Variants in PPARGC1A observed in about 807,000 individuals in gnomAD.
PPARGC1A encodes the protein peroxisome proliferator-activated receptor gamma coactivator 1-alpha.
PPARGC1A carries 25 observed loss-of-function variants against 88.7 expected under a neutral mutation model. The ratio of observed to expected loss-of-function variants is 0.28; its 90% CI spans 0.21 to 0.39. PPARGC1A has a LOEUF of 0.39. PPARGC1A is among the 10% of genes least tolerant of loss of function. The pLI, the probability that PPARGC1A is intolerant of heterozygous loss-of-function variation, is 1.00. For missense variants in PPARGC1A, 880 were observed against 968.7 expected, an observed-to-expected ratio of 0.91 and a Z score of 1.22; for synonymous variants, 363 against 355.6, an observed-to-expected ratio of 1.02 and a Z score of -0.24.
the PPARGC1A span, among the ~76,000 whole-genome samples, chr4:24,069,938 G>A: frequency 6.6e-6 from 1 of 152,200 alleles, no homozygotes; most frequent in Non-Finnish European, 1.5e-5. Flanking sequence ...TGGCTGAGCA[G>A]AAAGAGCAAT....
the PPARGC1A span, among the ~76,000 whole-genome samples, chr4:24,098,078 G>A: frequency 1.3e-5 from 2 of 152,130 alleles, no homozygotes; most frequent in African/African-American, 2.4e-5. Context: ...CATGAAACAA[G>A]TCAAATGATT....
chr4:24,347,429 G>A, the PPARGC1A span, among the ~76,000 whole-genome samples: 1 of 152,092 alleles, frequency 6.6e-6, no homozygotes, highest in Non-Finnish European at 1.5e-5. Flanking sequence ...TTATAAATTT[G>A]GGAGCTCCAG....
the PPARGC1A span, among the ~76,000 whole-genome samples, chr4:24,283,155 G>GCTCA: frequency 6.6e-6 from 1 of 152,178 alleles, no homozygotes; most frequent in African/African-American, 2.4e-5. Context: ...CAAAGACATG[G>GCTCA]TGGTGGTATT....
At chr4:24,146,461 C>T in the PPARGC1A span, among the ~76,000 whole-genome samples, 1 of 152,202 alleles carries the variant, frequency 6.6e-6, no homozygotes, top group African/African-American at 2.4e-5. Flanking sequence ...CCTGCTCTAT[C>T]AATGTGAACC....
At chr4:24,072,812 A>T in the PPARGC1A span, among the ~76,000 whole-genome samples, 1 of 152,186 alleles carries the variant, frequency 6.6e-6, no homozygotes, top group South Asian at 2.1e-4. Flanking sequence ...TAACATTAGA[A>T]TTCTGCATTT....
chr4:24,203,567 GATAGAA>G, the PPARGC1A span, among the ~76,000 whole-genome samples: 113 of 71,396 alleles, frequency 1.6e-3, no homozygotes, highest in Middle Eastern at 0.029. Context: ...ACAGATGAGA[GATAGAA>G]AAAGAAAGAG....
At chr4:24,018,397 T>C in the PPARGC1A span, among the ~76,000 whole-genome samples, 1 of 152,202 alleles carries the variant, frequency 6.6e-6, no homozygotes, top group Non-Finnish European at 1.5e-5. Flanking sequence ...AAATGACAAC[T>C]AGTCTTTCTG....
chr4:24,443,369 G>A, the PPARGC1A span, among the ~76,000 whole-genome samples: 31 of 151,678 alleles, frequency 2.0e-4, no homozygotes, highest in East Asian at 1.9e-3. Flanking sequence ...GAGAGATGAC[G>A]TCACACCTGA....
the PPARGC1A span, among the ~76,000 whole-genome samples, chr4:24,008,864 T>C: frequency 2.6e-5 from 4 of 152,294 alleles, no homozygotes; most frequent in African/African-American, 4.8e-5. Context: ...CTGAAGATGT[T>C]ATTATTCTGT....
intron 11 of PPARGC1A, 131 bp from the exon 12 acceptor site, chr4:23,802,012 T>G (rs1718851762): frequency 7.6e-7 from 1 of 1,312,832 alleles, no homozygotes; most frequent in Non-Finnish European, 1.0e-6. Context: ...AGTGTGATTG[T>G]CCTGTCAAGC....
the PPARGC1A span, among the ~76,000 whole-genome samples, chr4:23,984,078 A>T: frequency 6.6e-6 from 1 of 152,140 alleles, no homozygotes; most frequent in African/African-American, 2.4e-5. Context: ...TGCCAAAAAT[A>T]AACATTTTAA....
At chr4:23,835,655 C>A (rs971386699) in intron 2 of PPARGC1A, among the ~76,000 whole-genome samples, 4 of 151,998 alleles carry the variant, frequency 2.6e-5, no homozygotes, top group Non-Finnish European at 5.9e-5. Context: ...GCTCCAAGAC[C>A]ATTTATTTTA....
the PPARGC1A span, among the ~76,000 whole-genome samples, chr4:24,360,007 G>A: frequency 6.6e-6 from 1 of 152,080 alleles, no homozygotes. Flanking sequence ...CAATCTCTCT[G>A]TGGATTGGGC....
the PPARGC1A span, among the ~76,000 whole-genome samples, chr4:24,038,789 T>C: frequency 4.6e-5 from 7 of 152,192 alleles, no homozygotes; most frequent in Admixed American, 6.5e-5. Context: ...CTATTTAAAC[T>C]TTGTAAGTGC....
At chr4:24,403,766 T>C in the PPARGC1A span, among the ~76,000 whole-genome samples, 1 of 152,224 alleles carries the variant, frequency 6.6e-6, no homozygotes, top group Non-Finnish European at 1.5e-5. Context: ...TAAATTAGAA[T>C]TTAGCAACAC....
the PPARGC1A span, among the ~76,000 whole-genome samples, chr4:23,976,164 T>C: frequency 6.6e-6 from 1 of 152,014 alleles, no homozygotes; most frequent in Admixed American, 6.5e-5. Flanking sequence ...AGCACAAGGG[T>C]GAATAAACTA....
chr4:24,331,137 G>T, the PPARGC1A span, among the ~76,000 whole-genome samples: 4 of 151,970 alleles, frequency 2.6e-5, no homozygotes, highest in Non-Finnish European at 4.4e-5. Context: ...TTTTGATTTT[G>T]CCCACCTCTC....
At chr4:24,122,278 G>A in the PPARGC1A span, among the ~76,000 whole-genome samples, 1 of 151,970 alleles carries the variant, frequency 6.6e-6, no homozygotes, top group Non-Finnish European at 1.5e-5. Flanking sequence ...AGGAAGTTTA[G>A]AGAAAAACTA....
chr4:23,982,770 T>G, the PPARGC1A span, among the ~76,000 whole-genome samples: 1 of 152,284 alleles, frequency 6.6e-6, no homozygotes, highest in African/African-American at 2.4e-5. Flanking sequence ...AACACTCACA[T>G]GGAGAGAGTT....
Sources: allele counts gnomAD v4.1 joint callset (sites outside exome capture counted in the v4.1 genomes callset), GRCh38; gene constraint gnomAD v4.1.1; transcripts MANE v1.5; gene names NCBI Gene and HGNC (gene_info 2026-07-23, HGNC 2026-07-21).